Variants in PDE4D observed in about 807,000 individuals in gnomAD.
The protein encoded by PDE4D is phosphodiesterase 4D, also known as 3',5'-cyclic-AMP phosphodiesterase 4D.
PDE4D carries 24 observed loss-of-function variants against 87.4 expected under a neutral mutation model. The ratio of observed to expected loss-of-function variants is 0.27; its 90% CI spans 0.20 to 0.39. The LOEUF (loss-of-function observed/expected upper bound fraction) is 0.39. Ranked by LOEUF, PDE4D falls within the 10% of genes least tolerant of loss-of-function variation. The pLI is 1.00. For missense variants in PDE4D, 714 were observed against 1,041.0 expected, an observed-to-expected ratio of 0.69 and a Z score of 4.32; for synonymous variants, 384 against 383.2, an observed-to-expected ratio of 1.00 and a Z score of -0.02.
chr5:59,014,672 C>T (rs1425994822), intron 6 of PDE4D, among the ~76,000 whole-genome samples: 1 of 151,858 alleles, frequency 6.6e-6, no homozygotes, highest in Non-Finnish European at 1.5e-5. Flanking sequence ...TAGGAAGAAT[C>T]AATATCATGA....
chr5:58,988,847 T>G (rs1747186480), intron 10 of PDE4D, among the ~76,000 whole-genome samples: 1 of 152,210 alleles, frequency 6.6e-6, no homozygotes, highest in Non-Finnish European at 1.5e-5. Flanking sequence ...AATATTATTT[T>G]AAAACTCTGA....
intron 1 of PDE4D, among the ~76,000 whole-genome samples, chr5:59,513,165 A>C (rs1810553690): frequency 6.6e-6 from 1 of 152,140 alleles, no homozygotes; most frequent in African/African-American, 2.4e-5. Context: ...CAGCTATTTA[A>C]TTATTAATAC....
At chr5:59,191,772 A>G (rs1318795734) in intron 3 of PDE4D, among the ~76,000 whole-genome samples, 2 of 152,048 alleles carry the variant, frequency 1.3e-5, no homozygotes, top group African/African-American at 2.4e-5. Context: ...GGTTTCATCA[A>G]GTTGGCCAGG....
At chr5:60,211,716 AAAG>A (rs1191348284) in intron 1 of PDE4D, among the ~76,000 whole-genome samples, 6 of 152,200 alleles carry the variant, frequency 3.9e-5, no homozygotes, top group East Asian at 1.9e-4. Context: ...AAAAAAATTA[AAAG>A]AAGATGTTAC....
chr5:59,815,071 G>A (rs931256234), intron 1 of PDE4D, among the ~76,000 whole-genome samples: 2 of 152,122 alleles, frequency 1.3e-5, no homozygotes, highest in Admixed American at 1.3e-4. Flanking sequence ...CCATCTGTGG[G>A]GAAACTGTCA....
intron 1 of PDE4D, among the ~76,000 whole-genome samples, chr5:59,255,742 T>C (rs572899436): frequency 6.6e-6 from 1 of 152,214 alleles, no homozygotes; most frequent in African/African-American, 2.4e-5. Context: ...GAATAGAATT[T>C]ATGTTTTCAT....
At chr5:60,055,906 G>A (rs895495706) in intron 2 of PDE4D, among the ~76,000 whole-genome samples, 1 of 151,908 alleles carries the variant, frequency 6.6e-6, no homozygotes, top group Admixed American at 6.6e-5. Context: ...AGGAAGAAAA[G>A]GCTTAACAAA....
At chr5:60,226,786 C>A (rs4513649) in intron 1 of PDE4D, among the ~76,000 whole-genome samples, 1 of 151,774 alleles carries the variant, frequency 6.6e-6, no homozygotes, top group East Asian at 1.9e-4. Context: ...CACTTCCAGT[C>A]CCAAGCCATC....
chr5:59,415,220 C>G (rs909549014), intron 1 of PDE4D, among the ~76,000 whole-genome samples: 6 of 152,074 alleles, frequency 3.9e-5, no homozygotes, highest in African/African-American at 1.4e-4. Flanking sequence ...AGTGATCACT[C>G]TAAGGTTCTG....
chr5:59,765,802 A>G (rs904211860), intron 1 of PDE4D, among the ~76,000 whole-genome samples: 1 of 152,226 alleles, frequency 6.6e-6, no homozygotes, highest in Non-Finnish European at 1.5e-5. Context: ...ATCCAATGAG[A>G]TTTGGAGACT....
At chr5:59,697,240 A>G (rs555529797) in intron 1 of PDE4D, among the ~76,000 whole-genome samples, 1 of 152,356 alleles carries the variant, frequency 6.6e-6, no homozygotes, top group African/African-American at 2.4e-5. Flanking sequence ...AAAATTCATT[A>G]ATAGATAGTC....
intron 5 of PDE4D, among the ~76,000 whole-genome samples, chr5:59,129,240 T>C (rs1157692621): frequency 6.6e-6 from 1 of 152,196 alleles, no homozygotes; most frequent in African/African-American, 2.4e-5. Flanking sequence ...ATAATATATG[T>C]TGGAATGCAT....
rs545741031 is a variant in PDE4D at position 60,120,967 on chromosome 5, G to A, written c.42+64590C>T. 1.6e-4 allele frequency among the ~76,000 whole-genome samples: 24 copies of A among 152,168 alleles called. No homozygotes were observed. In the East Asian group the frequency reaches 4.7e-3, roughly 29 times the overall value. On this transcript the variant is annotated intron_variant, in intron 2 of 16. Coordinates refer to the PDE4D transcript ENST00000502484. ...GTGGGCACTATCTAATCAGCTACCA[G>A]CACAGCTAGAATATAAAGCAGGCAG... is the stretch of plus-strand genomic sequence containing the variant.
intron 1 of PDE4D, among the ~76,000 whole-genome samples, chr5:60,501,747 G>A (rs1340521607): frequency 6.6e-6 from 1 of 152,024 alleles, no homozygotes; most frequent in Non-Finnish European, 1.5e-5. Context: ...TTCTCTGATG[G>A]CCAGTGATGG....
chr5:59,971,658 A>G (rs1006519188), intron 3 of PDE4D, among the ~76,000 whole-genome samples: 6 of 152,024 alleles, frequency 3.9e-5, no homozygotes, highest in Admixed American at 1.3e-4. Context: ...ATCTCAAGAG[A>G]CTCTTCTCTT....
At chr5:59,004,990 T>C (rs950505038) in intron 6 of PDE4D, among the ~76,000 whole-genome samples, 4 of 152,218 alleles carry the variant, frequency 2.6e-5, no homozygotes, top group Non-Finnish European at 5.9e-5. Context: ...GTCCCTGTAT[T>C]TCTCAAGGTA....
At chr5:59,570,033 T>C (rs1454027679) in intron 1 of PDE4D, among the ~76,000 whole-genome samples, 1 of 152,246 alleles carries the variant, frequency 6.6e-6, no homozygotes, top group East Asian at 1.9e-4. Flanking sequence ...GTGATTACCG[T>C]GAATGAGGTT....
Position 60,075,515 on chromosome 5 carries a change from T to C in PDE4D, c.43-86798A>G, listed in dbSNP as rs116077852. Among the ~76,000 whole-genome samples, 881 of 152,202 alleles carry C rather than the reference T, an allele frequency of 5.8e-3. 11 individuals carry two copies. The highest frequency in any genetic ancestry group is 0.02 in the African/African-American group (847 of 41,528). The stretch of plus-strand genomic sequence containing the variant: ...GATGATCTTCTTGTGAAGTCTCTTA[T>C]GGGGGTTCTCTGCATTTCTGAATTT... On this transcript the variant is annotated intron_variant, in intron 2 of 16. Transcript: ENST00000502484.
At chr5:59,961,300 AT>A (rs1759441010) in intron 3 of PDE4D, among the ~76,000 whole-genome samples, 1 of 138,612 alleles carries the variant, frequency 7.2e-6, no homozygotes, top group Admixed American at 7.7e-5. Context: ...AGAGACCCAG[AT>A]TAAAAAAAAA....
Sources: gnomAD v4.1 joint callset for allele counts (sites outside exome capture counted in the v4.1 genomes callset) on GRCh38, gnomAD v4.1.1 for gene constraint, MANE v1.5 for transcripts, NCBI Gene and HGNC (gene_info 2026-07-23, HGNC 2026-07-21) for gene names.